The following PRDM6 variants were observed in gnomAD, a reference collection of about 807,000 sequenced individuals.
PRDM6 encodes putative histone-lysine N-methyltransferase PRDM6.
In PRDM6, 25 loss-of-function variants were observed where a neutral mutation model predicts 60.8. The observed-to-expected ratio is 0.41, with a 90% confidence interval of 0.30 to 0.57. PRDM6 has a LOEUF of 0.57. Ranked by LOEUF, PRDM6 falls within the 20% of genes least tolerant of loss-of-function variation. The probability of loss-of-function intolerance (pLI) is 0.27; values close to 1 mark genes in which losing one functional copy is unlikely to be tolerated. For synonymous variants in PRDM6, 407 were observed against 357.4 expected (o/e 1.14, Z -1.57); for missense variants, 839 against 821.3 (o/e 1.02, Z -0.26).
At chr5:123,111,274 T>C (rs1764305375) in intron 3 of PRDM6, among the ~76,000 whole-genome samples, 1 of 152,240 alleles carries the variant, frequency 6.6e-6, no homozygotes, top group Admixed American at 6.5e-5. Flanking sequence ...TCTCAACCTC[T>C]AGCAGGGAGT....
At chr5:123,102,264 A>G (rs1764119817) in intron 3 of PRDM6, among the ~76,000 whole-genome samples, 1 of 152,190 alleles carries the variant, frequency 6.6e-6, no homozygotes, top group Non-Finnish European at 1.5e-5. Context: ...CTTACTTTAT[A>G]AAATAGGTTT....
At chr5:123,104,138 G>A (rs1764157757) in intron 3 of PRDM6, among the ~76,000 whole-genome samples, 1 of 152,010 alleles carries the variant, frequency 6.6e-6, no homozygotes, top group Non-Finnish European at 1.5e-5. Flanking sequence ...GAGTTTTGCT[G>A]TTAAGCAAAT....
At chr5:123,110,154 C>G (rs568689290) in intron 3 of PRDM6, among the ~76,000 whole-genome samples, 1 of 151,654 alleles carries the variant, frequency 6.6e-6, no homozygotes, top group African/African-American at 2.4e-5. Context: ...TGACACTCTG[C>G]AGTTAGAAAT....
At chr5:123,159,462 G>A (rs1051888838) in intron 4 of PRDM6, 52 bp from the exon 5 acceptor site, 10 of 1,533,746 alleles carry the variant, frequency 6.5e-6, no homozygotes, top group Non-Finnish European at 8.8e-6. Flanking sequence ...TATGGATGGG[G>A]GCACATGAGT....
At chr5:123,113,006 A>G (rs17389042) in intron 3 of PRDM6, among the ~76,000 whole-genome samples, 17,568 of 152,046 alleles carry the variant, frequency 0.12, 1,361 homozygotes, top group Admixed American at 0.2. Flanking sequence ...CAGTGTTGCC[A>G]GGTTTTAAAA....
At chr5:123,163,416 G>A (rs917718298) in intron 5 of PRDM6, among the ~76,000 whole-genome samples, 19 of 152,142 alleles carry the variant, frequency 1.2e-4, no homozygotes, top group Non-Finnish European at 2.8e-4. Flanking sequence ...TGCCCCCTCC[G>A]CTGGCGGCCC....
At chr5:123,100,729 G>C (rs1003032794) in intron 3 of PRDM6, among the ~76,000 whole-genome samples, 1 of 152,206 alleles carries the variant, frequency 6.6e-6, no homozygotes, top group African/African-American at 2.4e-5. Flanking sequence ...CTTACCTGAA[G>C]CAATTATTTA....
At chr5:123,151,724 T>C (rs372743948) in intron 3 of PRDM6, among the ~76,000 whole-genome samples, 2 of 75,874 alleles carry the variant, frequency 2.6e-5, no homozygotes, top group Non-Finnish European at 6.3e-5. Context: ...ATGGAGGCCT[T>C]ATCTACTGGA....
rs537548833 is a variant in PRDM6 at position 123,152,767 on chromosome 5, G to GCAGT, written c.901-3115_901-3114insGTCA. ...GCTCTCATTTAAAGCTAGATTTTGT[G>GCAGT]CAAGGAAAATAAGAGCATGGGAGAG... On this transcript the variant is annotated intron_variant, in intron 3 of 7. Coordinates refer to ENST00000407847, the MANE Select transcript of PRDM6 (RefSeq NM_001136239.4). Among the ~76,000 whole-genome samples the GCAGT allele has an allele frequency of 2.4e-4, 36 of 152,302 alleles. No individual in the cohort carries two copies. The South Asian group carries it at 7.5e-3, about 32-fold the overall frequency.
intron 2 of PRDM6, among the ~76,000 whole-genome samples, chr5:123,097,531 A>G (rs753833317): frequency 6.6e-6 from 1 of 152,172 alleles, no homozygotes; most frequent in Non-Finnish European, 1.5e-5. Context: ...CTTAGATAAT[A>G]TGCTGGTTTT....
chr5:123,165,682 G>A (rs1035277849), intron 5 of PRDM6, among the ~76,000 whole-genome samples: 7 of 152,142 alleles, frequency 4.6e-5, no homozygotes, highest in African/African-American at 1.7e-4. Flanking sequence ...CAGATTCTCA[G>A]GTATTCTTTC....
In PRDM6 at chr5:123,159,621, T is replaced by C; in HGVS notation, c.1136T>C (p.Ile379Thr). 1 of 1,551,528 alleles carries C rather than the reference T, an allele frequency of 6.4e-7. No homozygotes were observed. The highest frequency in any genetic ancestry group is 8.7e-7 in the Non-Finnish European group (1 of 1,146,742). Residue 379 changes from isoleucine (I) to threonine (T), a missense_variant, in exon 5 of 8, where the codon ATT (isoleucine) becomes ACT (threonine). Transcript: ENST00000407847. Reference protein sequence around the residue: ...TSFFGIPLQCIAQDENLNVPS... With the variant: ...TSFFGIPLQCTAQDENLNVPS... ...TTCTTTGGGATCCCCTTACAATGCA[T>C]TGCCCAGGATGAAAACTGTAAGAAT...
At chr5:123,177,949 A>G (rs188377144) in intron 6 of PRDM6, among the ~76,000 whole-genome samples, 33 of 152,262 alleles carry the variant, frequency 2.2e-4, no homozygotes, top group African/African-American at 5.8e-4. Context: ...GAAGTTTTAA[A>G]AACTGTGCCA....
chr5:123,103,483 A>G (rs577022386), intron 3 of PRDM6, among the ~76,000 whole-genome samples: 4 of 152,228 alleles, frequency 2.6e-5, no homozygotes, highest in East Asian at 1.9e-4. Context: ...ATCTTTCTCA[A>G]TGTTTTCCAA....
At chr5:123,144,502 C>T (rs950458211) in intron 3 of PRDM6, among the ~76,000 whole-genome samples, 1 of 151,998 alleles carries the variant, frequency 6.6e-6, no homozygotes, top group African/African-American at 2.4e-5. Flanking sequence ...AAGAGAAGCA[C>T]TGAGGCATGA....
intron 5 of PRDM6, among the ~76,000 whole-genome samples, chr5:123,159,968 G>C (rs1414051246): frequency 6.6e-6 from 1 of 152,218 alleles, no homozygotes; most frequent in Non-Finnish European, 1.5e-5. Context: ...GGGATTACAA[G>C]AGCAGTGTAA....
chr5:123,121,406 A>G (rs951543529), intron 3 of PRDM6, among the ~76,000 whole-genome samples: 1 of 151,842 alleles, frequency 6.6e-6, no homozygotes, highest in Non-Finnish European at 1.5e-5. Context: ...TTTTTGAGAC[A>G]GGGTCTCACT....
At chr5:123,092,831 T>G (rs1763871772) in intron 2 of PRDM6, among the ~76,000 whole-genome samples, 1 of 152,302 alleles carries the variant, frequency 6.6e-6, no homozygotes, top group Admixed American at 6.5e-5. Context: ...TCCAGGAACT[T>G]CTCTGGACAA....
chr5:123,173,668 AT>A (rs1353259532), intron 6 of PRDM6, among the ~76,000 whole-genome samples: 1 of 152,230 alleles, frequency 6.6e-6, no homozygotes, highest in Non-Finnish European at 1.5e-5. Context: ...ATAAAATACA[AT>A]GTTTCTTAGT....
Sources: gnomAD v4.1 joint callset for allele counts (sites outside exome capture counted in the v4.1 genomes callset) on GRCh38, gnomAD v4.1.1 for gene constraint, MANE v1.5 for transcripts, NCBI Gene and HGNC (gene_info 2026-07-23, HGNC 2026-07-21) for gene names.